FGF14: variants seen among roughly 807,000 people sequenced by gnomAD.
FGF14 encodes the protein fibroblast growth factor 14.
In FGF14, 5 loss-of-function variants were observed where a neutral mutation model predicts 25.5. That is an observed-to-expected ratio of 0.20 (90% CI 0.10 to 0.41). FGF14 has a LOEUF of 0.41. Among genes scored for constraint, FGF14 ranks in the 10% least tolerant of loss-of-function variants. The probability of loss-of-function intolerance (pLI) is 1.00; values close to 1 mark genes in which losing one functional copy is unlikely to be tolerated. For missense variants in FGF14, 222 were observed against 320.1 expected (o/e 0.69, Z 2.34); for synonymous variants, 138 against 118.3 (o/e 1.17, Z -1.08).
intron 1 of FGF14, among the ~76,000 whole-genome samples, chr13:102,313,202 C>T (rs1005452822): frequency 2.0e-5 from 3 of 152,202 alleles, no homozygotes; most frequent in South Asian, 2.1e-4. Context: ...TCACTGTGGG[C>T]AGGGCACTGC....
At chr13:102,391,109 T>G (rs1416981483) in intron 1 of FGF14, among the ~76,000 whole-genome samples, 1 of 152,236 alleles carries the variant, frequency 6.6e-6, no homozygotes. Context: ...AATTGAATAC[T>G]AATCCTGATC....
chr13:102,225,213 T>A (rs2050779268), intron 1 of FGF14, among the ~76,000 whole-genome samples: 1 of 151,992 alleles, frequency 6.6e-6, no homozygotes, highest in Non-Finnish European at 1.5e-5. Flanking sequence ...CTCTCCCTCC[T>A]CTCTTCACTG....
At chr13:102,197,091 C>T (rs994540245) in intron 1 of FGF14, among the ~76,000 whole-genome samples, 1 of 152,030 alleles carries the variant, frequency 6.6e-6, no homozygotes, top group Non-Finnish European at 1.5e-5. Context: ...TCTCAGGACA[C>T]AGTTATAGAC....
intron 3 of FGF14, among the ~76,000 whole-genome samples, chr13:101,860,743 T>C (rs1038930564): frequency 6.6e-6 from 1 of 152,016 alleles, no homozygotes; most frequent in African/African-American, 2.4e-5. Context: ...TGCCTAGCCC[T>C]CAAAATTATG....
At chr13:102,142,215 C>T (rs2046671890) in intron 1 of FGF14, among the ~76,000 whole-genome samples, 1 of 152,132 alleles carries the variant, frequency 6.6e-6, no homozygotes, top group Admixed American at 6.6e-5. Flanking sequence ...TCATCAAGCA[C>T]AATACAGTTC....
intron 1 of FGF14, among the ~76,000 whole-genome samples, chr13:102,291,235 C>T (rs2054378209): frequency 1.3e-5 from 2 of 152,204 alleles, no homozygotes; most frequent in Non-Finnish European, 2.9e-5. Flanking sequence ...AAATTATCTA[C>T]ATTCCTTCAT....
chr13:102,039,123 A>G (rs1045853293), intron 1 of FGF14, among the ~76,000 whole-genome samples: 11 of 152,206 alleles, frequency 7.2e-5, no homozygotes, highest in African/African-American at 2.7e-4. Flanking sequence ...TTGAACTTGA[A>G]TTCAATTCAG....
At chr13:102,218,157 T>C (rs948249842) in intron 1 of FGF14, among the ~76,000 whole-genome samples, 1 of 152,030 alleles carries the variant, frequency 6.6e-6, no homozygotes, top group African/African-American at 2.4e-5. Context: ...CAAGAGGAAA[T>C]CAATCTCAGC....
At chr13:102,187,452 C>T (rs2048922819) in intron 1 of FGF14, among the ~76,000 whole-genome samples, 1 of 152,164 alleles carries the variant, frequency 6.6e-6, no homozygotes, top group African/African-American at 2.4e-5. Flanking sequence ...TTGTGGGGCA[C>T]CAGAGTTCAG....
chr13:102,079,353 G>T lies in FGF14; in HGVS notation c.209-204057C>A, dbSNP rs375056022. Among the ~76,000 whole-genome samples, 5 of 152,220 alleles carry T rather than the reference G, an allele frequency of 3.3e-5. No homozygotes were observed. In the East Asian group the frequency reaches 9.6e-4, roughly 29 times the overall value. ...AGGAAATCATGGAAAAAGAGAGTTTGCACATTTTCTTTCCCAGAGGAAATC... is the reference window on the plus strand; with the variant it reads ...AGGAAATCATGGAAAAAGAGAGTTTTCACATTTTCTTTCCCAGAGGAAATC... On this transcript the variant is annotated intron_variant, in intron 1 of 4. Transcript: ENST00000376131.
At chr13:102,101,689 T>G (rs909905015) in intron 1 of FGF14, among the ~76,000 whole-genome samples, 2 of 151,946 alleles carry the variant, frequency 1.3e-5, no homozygotes, top group Non-Finnish European at 2.9e-5. Flanking sequence ...TGCTCAACAT[T>G]CTATCAGTTC....
intron 1 of FGF14, among the ~76,000 whole-genome samples, chr13:102,360,871 G>GCACA (rs147210243): frequency 1.3e-5 from 2 of 151,308 alleles, no homozygotes; most frequent in East Asian, 3.9e-4. Context: ...ACTTGTGCGT[G>GCACA]CACACACACA....
At chr13:102,380,450 G>A (rs1001138705) in intron 1 of FGF14, among the ~76,000 whole-genome samples, 6 of 152,062 alleles carry the variant, frequency 3.9e-5, no homozygotes, top group Non-Finnish European at 7.4e-5. Flanking sequence ...CCAGTTTCAG[G>A]GTTCAAGTTC....
intron 1 of FGF14, among the ~76,000 whole-genome samples, chr13:102,290,829 C>A (rs60062787): frequency 6.6e-6 from 1 of 152,102 alleles, no homozygotes; most frequent in African/African-American, 2.4e-5. Context: ...TTTCACCCTA[C>A]GCAGTTGTCA....
At chr13:101,789,660 A>T (rs534168057) in intron 3 of FGF14, among the ~76,000 whole-genome samples, 1 of 152,272 alleles carries the variant, frequency 6.6e-6, no homozygotes, top group East Asian at 1.9e-4. Flanking sequence ...GGTTCCAGTA[A>T]AATTCAAAGG....
chr13:101,782,695 C>T (rs891175860), intron 3 of FGF14, among the ~76,000 whole-genome samples: 6 of 152,162 alleles, frequency 3.9e-5, no homozygotes, highest in African/African-American at 1.4e-4. Flanking sequence ...CAGCTCCATC[C>T]ATGTTCCTGC....
intron 1 of FGF14, among the ~76,000 whole-genome samples, chr13:102,164,535 G>GA (rs1360926571): frequency 6.6e-6 from 1 of 152,140 alleles, no homozygotes; most frequent in Admixed American, 6.5e-5. Context: ...TGAGAATAGA[G>GA]AAAAATGAAA....
chr13:101,944,200 T>C (rs2035662268), intron 1 of FGF14, among the ~76,000 whole-genome samples: 1 of 152,164 alleles, frequency 6.6e-6, no homozygotes, highest in Admixed American at 6.5e-5. Flanking sequence ...CCCAGTTTTC[T>C]TTATCTATTA....
At chr13:101,740,693 A>T (rs1594090278) in intron 3 of FGF14, among the ~76,000 whole-genome samples, 1 of 152,174 alleles carries the variant, frequency 6.6e-6, no homozygotes. Context: ...GTATAACATA[A>T]GTTTCCAGAG....
Sources: allele counts gnomAD v4.1 joint callset (sites outside exome capture counted in the v4.1 genomes callset), GRCh38; gene constraint gnomAD v4.1.1; transcripts MANE v1.5; gene names NCBI Gene and HGNC (gene_info 2026-07-23, HGNC 2026-07-21).